Variants in BMS1 observed in about 807,000 individuals in gnomAD.
BMS1 encodes ribosome biogenesis protein BMS1 homolog.
A neutral mutation model predicts 138.7 loss-of-function variants in BMS1; 53 were observed. That is an observed-to-expected ratio of 0.38 (90% confidence interval 0.31 to 0.48). The LOEUF is 0.48. BMS1 is among the 20% of genes least tolerant of loss of function. The pLI is 0.97. For synonymous variants in BMS1, 504 were observed against 539.9 expected, an observed-to-expected ratio of 0.93 and a Z score of 0.92; for missense variants, 1,360 against 1,565.5, an observed-to-expected ratio of 0.87 and a Z score of 2.22.
At chr10:42,792,454 T>G (rs748247822) in intron 6 of BMS1, 39 bp from the exon 7 acceptor site, 1 of 1,605,224 alleles carries the variant, frequency 6.2e-7, no homozygotes, top group South Asian at 1.1e-5. Context: ...TAGGAACTTT[T>G]GGCATTCATT....
chr10:42,814,918 C>T lies in BMS1; in HGVS notation c.2330-1681C>T, dbSNP rs34937083. ...CTGCCTGGGTTGCCTTCTATTGCTA[C>T]GTTGGGAGTTGGGAAACTCTGGGCC... On this transcript the variant is annotated intron_variant, in intron 13 of 22. Coordinates refer to ENST00000374518, the MANE Select transcript of BMS1 (RefSeq NM_014753.4). Among the ~76,000 whole-genome samples, 754 of 152,206 alleles carry T rather than the reference C, an allele frequency of 5.0e-3. 5 individuals are homozygous for T. The highest frequency in any genetic ancestry group is 0.031 in the South Asian group (150 of 4,812).
In BMS1 at chr10:42,834,290, A is replaced by G. The variant is rs1366828858; in HGVS notation, c.*3194A>G. On this transcript the variant is annotated 3_prime_UTR_variant, in exon 23 of 23. Transcript: ENST00000374518. ...CTGTGAACTTGCTTTAAGTATTATC[A>G]TTTGGTGACATGCCCGCCATTTCAG... The G allele has an allele frequency of 1.3e-5, 2 of 152,056 alleles. No homozygotes were observed. Among genetic ancestry groups the G allele is most frequent in the Non-Finnish European group, 2.9e-5 (2 of 68,016 alleles). The allele number at this position is 152,056 out of a possible 1,614,324, so 9.4% of individuals were successfully genotyped here. A position where few individuals can be genotyped will look rare whatever the true frequency, so the allele number is the denominator to read the frequency against.
intron 4 of BMS1, among the ~76,000 whole-genome samples, 179 bp downstream of exon 4, chr10:42,787,426 A>T (rs1478267243): frequency 6.6e-6 from 1 of 152,226 alleles, no homozygotes; most frequent in Non-Finnish European, 1.5e-5. Flanking sequence ...TTGTTATGTT[A>T]ATAATAAAAA....
At chr10:42,804,030 G>A (rs61844815) in intron 13 of BMS1, among the ~76,000 whole-genome samples, 9,770 of 152,172 alleles carry the variant, frequency 0.064, 460 homozygotes, top group Non-Finnish European at 0.092. Context: ...CTTTTACTCA[G>A]CATGATTATT....
intron 11 of BMS1, among the ~76,000 whole-genome samples, chr10:42,798,127 C>G (rs914220751): frequency 6.6e-6 from 1 of 152,162 alleles, no homozygotes; most frequent in East Asian, 1.9e-4. Flanking sequence ...TGATGAGAGG[C>G]TCAACACTCT....
intron 21 of BMS1, among the ~76,000 whole-genome samples, chr10:42,828,771 T>C (rs1842727301): frequency 6.6e-6 from 1 of 152,126 alleles, no homozygotes; most frequent in Non-Finnish European, 1.5e-5. Flanking sequence ...AATAAGAGGG[T>C]TGTTCAAGGC....
At position 42,824,241 on chromosome 10, in the gene BMS1, C is replaced by G. The variant is rs1842579494; in HGVS notation, c.3456+457C>G. Among the ~76,000 whole-genome samples the G allele has an allele frequency of 2.0e-5, 3 of 152,168 alleles. No individual in the cohort carries two copies. The South Asian group carries it at 6.2e-4, about 32-fold the overall frequency. ...ATATACACTAGATCTCTAACTTGTT[C>G]ATCCTACATGTCTGCTACTTTGTAT... On this transcript the variant is annotated intron_variant, in intron 21 of 22. Transcript: ENST00000374518.
At chr10:42,829,683 G>A (rs1842747760) in intron 21 of BMS1, among the ~76,000 whole-genome samples, 3 of 151,988 alleles carry the variant, frequency 2.0e-5, no homozygotes, top group African/African-American at 7.2e-5. Context: ...TTAGCCGGGC[G>A]TGGTGGTGTG....
chr10:42,814,953 TC>T (rs1229508310), intron 13 of BMS1, among the ~76,000 whole-genome samples: 3 of 152,126 alleles, frequency 2.0e-5, no homozygotes, highest in Non-Finnish European at 2.9e-5. Flanking sequence ...CTGGTCAACT[TC>T]CTATTGGATG....
Position 42,796,831 on chromosome 10 carries a change from C to T in BMS1, c.1587C>T (p.Asp529=). 4 of 1,614,192 alleles carry T rather than the reference C, an allele frequency of 2.5e-6. No homozygotes were observed. The highest frequency in any genetic ancestry group is 3.4e-6 in the Non-Finnish European group (4 of 1,180,032). The change falls in exon 10 of 23, where the codon GAC becomes GAT. Residue 529 remains aspartate (D), a synonymous_variant. Coordinates refer to ENST00000374518, the MANE Select transcript of BMS1 (RefSeq NM_014753.4). ...EEADESSEEE[D]CTAGEKGISG... Reference sequence around the variant, plus strand: ...CTGATGAAAGCAGTGAAGAAGAGGACTGCACTGCAGGAGAGAAGGGCATTT... The same window carrying T: ...CTGATGAAAGCAGTGAAGAAGAGGATTGCACTGCAGGAGAGAAGGGCATTT...
intron 21 of BMS1, 68 bp downstream of exon 21, chr10:42,823,852 T>A: frequency 7.9e-7 from 1 of 1,261,694 alleles, no homozygotes; most frequent in Non-Finnish European, 1.0e-6. Flanking sequence ...ACACAGACAC[T>A]TTTCTATAAT....
At chr10:42,807,205 C>T (rs759989783) in intron 13 of BMS1, among the ~76,000 whole-genome samples, 1 of 152,166 alleles carries the variant, frequency 6.6e-6, no homozygotes, top group African/African-American at 2.4e-5. Flanking sequence ...GTTCCCCAGC[C>T]CCCAGTTCCT....
chr10:42,830,675 A>C (rs1054693266), intron 22 of BMS1, among the ~76,000 whole-genome samples, 191 bp from the exon 23 acceptor site: 1 of 152,062 alleles, frequency 6.6e-6, no homozygotes, highest in African/African-American at 2.4e-5. Flanking sequence ...CAGAATGATG[A>C]ACAGAGGTGG....
intron 18 of BMS1, among the ~76,000 whole-genome samples, chr10:42,821,486 C>A (rs1424348961): frequency 7.0e-6 from 1 of 143,390 alleles, no homozygotes; most frequent in African/African-American, 2.5e-5. Context: ...CCAAATAAAT[C>A]ATTATAGTGA....
intron 13 of BMS1, among the ~76,000 whole-genome samples, chr10:42,808,624 C>T (rs563630135): frequency 7.2e-5 from 11 of 151,910 alleles, no homozygotes; most frequent in Non-Finnish European, 1.5e-4. Context: ...TGATGAAATC[C>T]GATTTACCAG....
chr10:42,787,983 T>G (rs1041194165), intron 4 of BMS1, among the ~76,000 whole-genome samples: 11 of 152,128 alleles, frequency 7.2e-5, no homozygotes, highest in African/African-American at 2.7e-4. Flanking sequence ...GATTAGGAAG[T>G]GTGGGGTGAC....
chr10:42,803,799 A>G (rs1841940214), intron 13 of BMS1, among the ~76,000 whole-genome samples: 2 of 152,228 alleles, frequency 1.3e-5, no homozygotes, highest in Non-Finnish European at 2.9e-5. Context: ...AAAGTATACA[A>G]TTTGATAAGC....
chr10:42,794,572 A>G (rs1056679634), intron 9 of BMS1, among the ~76,000 whole-genome samples: 28 of 150,078 alleles, frequency 1.9e-4, no homozygotes, highest in Admixed American at 1.7e-3. Flanking sequence ...ATTTGGTACA[A>G]TGTGCATAAA....
intron 18 of BMS1, among the ~76,000 whole-genome samples, chr10:42,821,684 C>T (rs1234379747): frequency 1.3e-5 from 2 of 150,528 alleles, no homozygotes; most frequent in Non-Finnish European, 2.9e-5. Context: ...TCCTGAGTAG[C>T]TGGGATTACA....
Sources: gnomAD v4.1 joint callset for allele counts (sites outside exome capture counted in the v4.1 genomes callset) on GRCh38, gnomAD v4.1.1 for gene constraint, MANE v1.5 for transcripts, NCBI Gene and HGNC (gene_info 2026-07-23, HGNC 2026-07-21) for gene names.